ZMIZ1: variants seen among roughly 807,000 people sequenced by gnomAD.
ZMIZ1 encodes the protein zinc finger MIZ domain-containing protein 1.
In ZMIZ1, 17 loss-of-function variants were observed where a neutral mutation model predicts 113.9. The ratio of observed to expected loss-of-function variants is 0.15; its 90% CI spans 0.10 to 0.22. The LOEUF is 0.22. ZMIZ1 is among the 10% of genes least tolerant of loss of function. The pLI, the probability that ZMIZ1 is intolerant of heterozygous loss-of-function variation, is 1.00. For synonymous variants in ZMIZ1, 607 were observed against 603.1 expected (o/e 1.01, Z -0.09); for missense variants, 1,059 against 1,477.8 (o/e 0.72, Z 4.65).
At chr10:79,220,783 T>C (rs1848933281) in intron 7 of ZMIZ1, among the ~76,000 whole-genome samples, 1 of 152,068 alleles carries the variant, frequency 6.6e-6, no homozygotes, top group Non-Finnish European at 1.5e-5. Context: ...AGGCTGTGTA[T>C]GTTTGTGTTG....
At chr10:79,181,377 G>A (rs1272958589) in intron 4 of ZMIZ1, among the ~76,000 whole-genome samples, 2 of 152,214 alleles carry the variant, frequency 1.3e-5, no homozygotes. Context: ...GGTGTCACTG[G>A]TGCCGTTTGT....
At chr10:79,081,801 A>T (rs114918052) in intron 1 of ZMIZ1, among the ~76,000 whole-genome samples, 5,264 of 152,344 alleles carry the variant, frequency 0.035, 296 homozygotes, top group African/African-American at 0.12. Context: ...GGGCTGTCGC[A>T]CGAGTCCAAG....
chr10:79,143,467 C>G (rs1294835598), intron 3 of ZMIZ1, among the ~76,000 whole-genome samples: 1 of 152,198 alleles, frequency 6.6e-6, no homozygotes, highest in Non-Finnish European at 1.5e-5. Context: ...CAGCGTGCAG[C>G]TCTAGTCCCA....
intron 1 of ZMIZ1, among the ~76,000 whole-genome samples, chr10:79,080,630 G>C (rs1342183958): frequency 6.6e-6 from 1 of 152,132 alleles, no homozygotes; most frequent in African/African-American, 2.4e-5. Flanking sequence ...TTCTTGTTTG[G>C]TGTTTGGCGA....
chr10:79,257,046 G>T (rs1850955154), intron 7 of ZMIZ1, among the ~76,000 whole-genome samples: 1 of 152,136 alleles, frequency 6.6e-6, no homozygotes, highest in African/African-American at 2.4e-5. Context: ...GACAGACTGG[G>T]GTCTCACCTT....
chr10:79,096,374 T>C (rs891610697), intron 1 of ZMIZ1, among the ~76,000 whole-genome samples: 1 of 151,988 alleles, frequency 6.6e-6, no homozygotes, highest in African/African-American at 2.4e-5. Flanking sequence ...TAGCCAGGTG[T>C]GGTGGTGGGC....
intron 23 of ZMIZ1, among the ~76,000 whole-genome samples, chr10:79,309,182 C>G (rs1252714673): frequency 6.6e-6 from 1 of 152,238 alleles, no homozygotes; most frequent in Non-Finnish European, 1.5e-5. Context: ...TATCCAGATG[C>G]TGCTGCCCCC....
chr10:79,208,085 G>A (rs1589425139), intron 5 of ZMIZ1, among the ~76,000 whole-genome samples: 1 of 139,304 alleles, frequency 7.2e-6, no homozygotes, highest in South Asian at 2.2e-4. Context: ...GGGTGGAGGT[G>A]GTGGGGGTGG....
chr10:79,178,078 A>AT (rs977820551), intron 4 of ZMIZ1, among the ~76,000 whole-genome samples: 5 of 152,060 alleles, frequency 3.3e-5, no homozygotes, highest in Admixed American at 6.6e-5. Context: ...GCTGGGTGTG[A>AT]TGGGGTGCTG....
At chr10:79,160,817 C>T (rs1041815888) in intron 3 of ZMIZ1, among the ~76,000 whole-genome samples, 1 of 152,250 alleles carries the variant, frequency 6.6e-6, no homozygotes, top group African/African-American at 2.4e-5. Context: ...CCGCTGTGAG[C>T]CACGATCTTT....
rs544209926 is a variant in ZMIZ1, at chr10:79,098,898, T to C, written c.-336-20017T>C. Among the ~76,000 whole-genome samples, 485 of 152,308 alleles carry C rather than the reference T, an allele frequency of 3.2e-3. 4 individuals carry two copies. Among genetic ancestry groups the C allele is most frequent in the African/African-American group, 0.011 (466 of 41,560 alleles). On this transcript the variant is annotated intron_variant, in intron 1 of 24. Transcript: ENST00000334512. ...CAGGCTTCATTTGTCAGTAGCCCTCTGGAGCTGGAGAACTTCTGAGACTGG... is the reference window on the plus strand; with the variant it reads ...CAGGCTTCATTTGTCAGTAGCCCTCCGGAGCTGGAGAACTTCTGAGACTGG...
At position 79,308,375 on chromosome 10, in the gene ZMIZ1, G is replaced by A. The variant is rs971365107; in HGVS notation, c.2835+804G>A. Among the ~76,000 whole-genome samples the A allele has an allele frequency of 6.6e-5, 10 of 152,340 alleles. No homozygotes were observed. The Middle Eastern group carries it at 0.014, about 207-fold the overall frequency. On this transcript the variant is annotated intron_variant, in intron 23 of 24. Coordinates refer to ENST00000334512, the MANE Select transcript of ZMIZ1 (RefSeq NM_020338.4). ...GGAGTTTGGAGAAACTGAAGCCTCCGGAGGCTGAAGTGGTGTGTCTGAGGT... is the reference window on the plus strand; with the variant it reads ...GGAGTTTGGAGAAACTGAAGCCTCCAGAGGCTGAAGTGGTGTGTCTGAGGT...
At chr10:79,247,566 C>T (rs982353622) in intron 7 of ZMIZ1, among the ~76,000 whole-genome samples, 1 of 152,222 alleles carries the variant, frequency 6.6e-6, no homozygotes, top group Non-Finnish European at 1.5e-5. Flanking sequence ...CTCCTTAGAG[C>T]CACCCTGGGG....
Position 79,126,024 on chromosome 10 carries a change from A to T in ZMIZ1, c.-227+7000A>T, listed in dbSNP as rs574264875. Among the ~76,000 whole-genome samples, 139 of 152,308 alleles carry T rather than the reference A, an allele frequency of 9.1e-4. 1 individual carries two copies. Among genetic ancestry groups the T allele is most frequent in the African/African-American group, 3.1e-3 (130 of 41,564 alleles). ...CCAAGGAAGCTCTGGGGACCTGTGG[A>T]GAGCCACCCAGAACTGGGACTGAGA... is the stretch of plus-strand genomic sequence containing the variant. On this transcript the variant is annotated intron_variant, in intron 2 of 24. Transcript: ENST00000334512.
chr10:79,132,165 A>G (rs1844797751), intron 2 of ZMIZ1, among the ~76,000 whole-genome samples: 1 of 152,152 alleles, frequency 6.6e-6, no homozygotes, highest in African/African-American at 2.4e-5. Context: ...GAGCTTTCTA[A>G]TGACCCCGGG....
chr10:79,219,044 G>T (rs550747239), intron 7 of ZMIZ1, among the ~76,000 whole-genome samples: 10 of 152,084 alleles, frequency 6.6e-5, no homozygotes, highest in African/African-American at 2.4e-4. Flanking sequence ...CACGGGGGGT[G>T]GGGGGACGTG....
At chr10:79,102,955 C>A (rs537190904) in intron 1 of ZMIZ1, among the ~76,000 whole-genome samples, 2 of 152,192 alleles carry the variant, frequency 1.3e-5, no homozygotes, top group Admixed American at 6.5e-5. Context: ...AGGTGCTGAC[C>A]CTCCTGGGGC....
At chr10:79,223,451 G>C (rs1208326603) in intron 7 of ZMIZ1, among the ~76,000 whole-genome samples, 1 of 152,224 alleles carries the variant, frequency 6.6e-6, no homozygotes, top group Non-Finnish European at 1.5e-5. Context: ...TTGGGGAGGG[G>C]TTTGGCTTCC....
chr10:79,194,941 T>C (rs1164368321), intron 4 of ZMIZ1, among the ~76,000 whole-genome samples: 1 of 152,178 alleles, frequency 6.6e-6, no homozygotes, highest in African/African-American at 2.4e-5. Context: ...GCTGACCCCA[T>C]GTTACCATCC....
Sources: allele counts gnomAD v4.1 joint callset (sites outside exome capture counted in the v4.1 genomes callset), GRCh38; gene constraint gnomAD v4.1.1; transcripts MANE v1.5; gene names NCBI Gene and HGNC (gene_info 2026-07-23, HGNC 2026-07-21).